GABBR2: variants seen among roughly 807,000 people sequenced by gnomAD.
The protein encoded by GABBR2 is gamma-aminobutyric acid type B receptor subunit 2, also known as G-protein coupled receptor 51.
In GABBR2, 23 loss-of-function variants were observed where a neutral mutation model predicts 105.6. The ratio of observed to expected loss-of-function variants is 0.22; its 90% CI spans 0.16 to 0.31. The LOEUF is 0.31. GABBR2 is among the 10% of genes least tolerant of loss of function. The pLI is 1.00. For missense variants in GABBR2, 734 were observed against 1,245.5 expected (o/e 0.59, Z 6.18); for synonymous variants, 478 against 499.7 (o/e 0.96, Z 0.58).
chr9:98,677,930 GT>G (rs1588279708), intron 1 of GABBR2, among the ~76,000 whole-genome samples: 1 of 152,040 alleles, frequency 6.6e-6, no homozygotes, highest in African/African-American at 2.4e-5. Context: ...ACTGTCCTTT[GT>G]TTTTGTTTTT....
At chr9:98,615,675 C>T (rs1357196943) in intron 1 of GABBR2, among the ~76,000 whole-genome samples, 1 of 152,200 alleles carries the variant, frequency 6.6e-6, no homozygotes, top group Non-Finnish European at 1.5e-5. Flanking sequence ...TGTCGACCCC[C>T]TGCTCTCAAA....
intron 17 of GABBR2, 110 bp from the exon 18 acceptor site, chr9:98,294,012 C>T: frequency 1.3e-6 from 1 of 741,992 alleles, no homozygotes; most frequent in Admixed American, 1.9e-5. Context: ...GCAAAAGAGC[C>T]CATTATCCCT....
chr9:98,290,469 G>T lies in GABBR2; in HGVS notation c.*115C>A. 2.8e-6 allele frequency: 2 copies of T among 711,394 alleles called. No individual in the cohort carries two copies. Among genetic ancestry groups the T allele is most frequent in the Non-Finnish European group, 4.0e-6 (2 of 498,592 alleles). The allele number at this position is 711,394 out of a possible 1,614,324, so 44.1% of individuals were successfully genotyped here. On this transcript the variant is annotated 3_prime_UTR_variant, in exon 19 of 19. Transcript: ENST00000259455. ...AGTGCCATCCGAGTGGTCCTGAGAG[G>T]CCAGCCATGGTGCCCAGCTTCTCCG... is the stretch of plus-strand genomic sequence containing the variant.
chr9:98,365,833 G>A (rs74852526), intron 12 of GABBR2, among the ~76,000 whole-genome samples: 1,136 of 51,584 alleles, frequency 0.022, 18 homozygotes, highest in African/African-American at 0.22. Flanking sequence ...AGAAAAAAAA[G>A]AAGCACTGAT....
At chr9:98,382,213 T>C (rs1426935425) in intron 11 of GABBR2, among the ~76,000 whole-genome samples, 1 of 152,044 alleles carries the variant, frequency 6.6e-6, no homozygotes, top group African/African-American at 2.4e-5. Context: ...CATGGCAGAA[T>C]GAGGGTAGGG....
intron 17 of GABBR2, among the ~76,000 whole-genome samples, chr9:98,297,870 A>G (rs1398207808): frequency 6.6e-6 from 1 of 150,814 alleles, no homozygotes; most frequent in Admixed American, 6.6e-5. Flanking sequence ...AAAAAAAAAA[A>G]AAAATTAGCT....
chr9:98,707,000 G>A (rs1457720332), intron 1 of GABBR2, among the ~76,000 whole-genome samples: 2 of 152,210 alleles, frequency 1.3e-5, no homozygotes, highest in African/African-American at 4.8e-5. Flanking sequence ...CTGGGGCAGA[G>A]GACGCCTCTC....
intron 13 of GABBR2, among the ~76,000 whole-genome samples, chr9:98,359,113 C>T (rs534190880): frequency 6.6e-6 from 1 of 152,114 alleles, no homozygotes; most frequent in Non-Finnish European, 1.5e-5. Flanking sequence ...TGGCACATGA[C>T]GAGTGCTACA....
At chr9:98,686,457 G>C (rs1830621890) in intron 1 of GABBR2, among the ~76,000 whole-genome samples, 2 of 152,058 alleles carry the variant, frequency 1.3e-5, no homozygotes, top group Admixed American at 1.3e-4. Context: ...AATGCAGTGG[G>C]GTGATCTTGG....
Position 98,632,104 on chromosome 9 carries a change from A to G in GABBR2, c.322-54032T>C, listed in dbSNP as rs1829822218. On this transcript the variant is annotated intron_variant, in intron 1 of 18. Coordinates refer to ENST00000259455, the MANE Select transcript of GABBR2 (RefSeq NM_005458.8). ...CCCCAGGGTGGTATGTATGCCAGGT[A>G]GCGTTTGTTCTGTGTTCTCTGAAGC... Among the ~76,000 whole-genome samples the G allele has an allele frequency of 2.6e-5, 4 of 152,190 alleles. No individual in the cohort carries two copies. In the South Asian group the frequency reaches 8.3e-4, roughly 32 times the overall value.
chr9:98,594,146 G>A (rs369623025), intron 1 of GABBR2, among the ~76,000 whole-genome samples: 1 of 152,178 alleles, frequency 6.6e-6, no homozygotes, highest in African/African-American at 2.4e-5. Context: ...GGGGTTCTGG[G>A]GTCCAGGCTG....
chr9:98,580,945 A>G (rs1193516703), intron 1 of GABBR2: 4 of 151,684 alleles, frequency 2.6e-5, no homozygotes, highest in African/African-American at 7.3e-5. Flanking sequence ...TGACCGCTAT[A>G]TGGGAGCAGA....
At chr9:98,401,846 T>C (rs1832399989) in intron 8 of GABBR2, among the ~76,000 whole-genome samples, 1 of 152,160 alleles carries the variant, frequency 6.6e-6, no homozygotes, top group Non-Finnish European at 1.5e-5. Flanking sequence ...CCCTGGAGGA[T>C]CGGGGACTGT....
At chr9:98,699,227 G>A (rs754068701) in intron 1 of GABBR2, among the ~76,000 whole-genome samples, 1 of 152,052 alleles carries the variant, frequency 6.6e-6, no homozygotes, top group African/African-American at 2.4e-5. Flanking sequence ...CTCAGAAGCC[G>A]GAAAGTATTT....
chr9:98,608,356 ACTTTTT>A (rs763675104), intron 1 of GABBR2, among the ~76,000 whole-genome samples: 4 of 152,092 alleles, frequency 2.6e-5, no homozygotes, highest in Non-Finnish European at 5.9e-5. Flanking sequence ...TACTTTTCCT[ACTTTTT>A]CTTTTTCTTT....
intron 7 of GABBR2, among the ~76,000 whole-genome samples, chr9:98,426,950 CAG>C (rs1330165918): frequency 6.6e-6 from 1 of 152,164 alleles, no homozygotes; most frequent in Non-Finnish European, 1.5e-5. Flanking sequence ...TTGCAGTGAG[CAG>C]AGATTGTGCC....
intron 1 of GABBR2, among the ~76,000 whole-genome samples, chr9:98,603,574 G>A (rs777603015): frequency 6.6e-6 from 1 of 152,032 alleles, no homozygotes; most frequent in Non-Finnish European, 1.5e-5. Flanking sequence ...TCCCTCAAGG[G>A]CAAGGATCAC....
At chr9:98,464,981 C>T (rs1285551353) in intron 6 of GABBR2, among the ~76,000 whole-genome samples, 2 of 151,972 alleles carry the variant, frequency 1.3e-5, no homozygotes, top group African/African-American at 4.8e-5. Flanking sequence ...CAAACAGGGC[C>T]GAAGGCCGCA....
chr9:98,386,211 G>GTTT (rs1832069362), intron 10 of GABBR2, among the ~76,000 whole-genome samples: 1 of 143,380 alleles, frequency 7.0e-6, no homozygotes, highest in African/African-American at 2.8e-5. Flanking sequence ...TAAGTCAACA[G>GTTT]GTTTTTTTTT....
Sources: allele counts gnomAD v4.1 joint callset (sites outside exome capture counted in the v4.1 genomes callset), GRCh38; gene constraint gnomAD v4.1.1; transcripts MANE v1.5; gene names NCBI Gene and HGNC (gene_info 2026-07-23, HGNC 2026-07-21).